IGF1R: variants seen among roughly 807,000 people sequenced by gnomAD.
IGF1R encodes the protein insulin like growth factor 1 receptor.
IGF1R carries 44 observed loss-of-function variants against 144.6 expected under a neutral mutation model. The observed-to-expected ratio is 0.30, with a 90% CI of 0.24 to 0.39. The LOEUF is 0.39. IGF1R is among the 10% of genes least tolerant of loss of function. The probability of loss-of-function intolerance (pLI) is 1.00; values close to 1 mark genes in which losing one functional copy is unlikely to be tolerated. For missense variants in IGF1R, 1,355 were observed against 1,833.7 expected, an observed-to-expected ratio of 0.74 and a Z score of 4.77; for synonymous variants, 795 against 722.8, an observed-to-expected ratio of 1.10 and a Z score of -1.60.
At chr15:98,678,385 T>A (rs1314281419) in intron 1 of IGF1R, among the ~76,000 whole-genome samples, 1 of 152,186 alleles carries the variant, frequency 6.6e-6, no homozygotes, top group Non-Finnish European at 1.5e-5. Flanking sequence ...GTAAAATGAA[T>A]TAATGACTTT....
intron 10 of IGF1R, among the ~76,000 whole-genome samples, chr15:98,920,441 G>T (rs1194667559): frequency 6.6e-6 from 1 of 152,166 alleles, no homozygotes; most frequent in Non-Finnish European, 1.5e-5. Flanking sequence ...GCCGGGAGAG[G>T]GGTTTTGACA....
intron 2 of IGF1R, among the ~76,000 whole-genome samples, chr15:98,749,358 C>G (rs2054948832): frequency 6.6e-6 from 1 of 151,992 alleles, no homozygotes; most frequent in South Asian, 2.1e-4. Context: ...CTTGGTGACC[C>G]AAAGTGATTT....
chr15:98,810,722 G>A (rs1039259967), intron 2 of IGF1R, among the ~76,000 whole-genome samples: 2 of 151,426 alleles, frequency 1.3e-5, no homozygotes, highest in Non-Finnish European at 1.5e-5. Flanking sequence ...CTTATTTTTC[G>A]TATTTTTAGT....
intron 2 of IGF1R, among the ~76,000 whole-genome samples, chr15:98,754,868 C>A (rs1016060213): frequency 6.6e-6 from 1 of 152,154 alleles, no homozygotes; most frequent in Admixed American, 6.5e-5. Context: ...AGGATTCACA[C>A]CTAGGTTGAC....
chr15:98,674,003 C>G (rs946091482), intron 1 of IGF1R, among the ~76,000 whole-genome samples: 11 of 152,192 alleles, frequency 7.2e-5, no homozygotes, highest in Non-Finnish European at 1.3e-4. Flanking sequence ...CGACAAGTTT[C>G]ATTGGCAGAG....
chr15:98,833,108 C>T (rs1285099118), intron 2 of IGF1R, among the ~76,000 whole-genome samples: 4 of 152,176 alleles, frequency 2.6e-5, no homozygotes, highest in African/African-American at 9.7e-5. Flanking sequence ...GAGGTATCCC[C>T]TGGTACCCTC....
At chr15:98,695,671 A>G (rs1450735267) in intron 1 of IGF1R, among the ~76,000 whole-genome samples, 1 of 152,210 alleles carries the variant, frequency 6.6e-6, no homozygotes, top group Non-Finnish European at 1.5e-5. Flanking sequence ...GCAGCTCCAC[A>G]GGAATCTTCA....
At chr15:98,728,659 G>A (rs530522403) in intron 2 of IGF1R, among the ~76,000 whole-genome samples, 15 of 152,366 alleles carry the variant, frequency 9.8e-5, no homozygotes, top group East Asian at 3.9e-4. Flanking sequence ...GCCCAGGGCC[G>A]CCTGGGCGGG....
At chr15:98,691,433 G>A (rs1171296985) in intron 1 of IGF1R, among the ~76,000 whole-genome samples, 3 of 149,738 alleles carry the variant, frequency 2.0e-5, no homozygotes, top group African/African-American at 7.4e-5. Context: ...GTGCAACCTC[G>A]ACTCACTGCA....
chr15:98,874,158 G>A (rs561691783), intron 2 of IGF1R, among the ~76,000 whole-genome samples: 3 of 152,246 alleles, frequency 2.0e-5, no homozygotes, highest in Non-Finnish European at 4.4e-5. Flanking sequence ...TTGGTGGCCC[G>A]GCAGAGCTCT....
intron 3 of IGF1R, among the ~76,000 whole-genome samples, chr15:98,894,657 A>G (rs1419276019): frequency 1.3e-5 from 2 of 152,196 alleles, no homozygotes; most frequent in South Asian, 2.1e-4. Context: ...TGATCCCAGC[A>G]ATTTGGGAGG....
chr15:98,775,188 A>G (rs969114946), intron 2 of IGF1R, among the ~76,000 whole-genome samples: 1 of 152,202 alleles, frequency 6.6e-6, no homozygotes, highest in Non-Finnish European at 1.5e-5. Context: ...GGTCAGGCCA[A>G]GTCCTCCCTG....
Position 98,963,476 on chromosome 15 carries a change from A to G in IGF1R, c.*6034A>G, listed in dbSNP as rs1167857802. The G allele has an allele frequency of 8.6e-6, 2 of 233,312 alleles. No individual in the cohort carries two copies. The highest frequency in any genetic ancestry group is 1.2e-4 in the East Asian group (2 of 16,588). 14.5% of individuals were successfully genotyped at this position (233,312 alleles called of 1,614,324 possible). A position where few individuals can be genotyped will look rare whatever the true frequency, so the allele number is the denominator to read the frequency against. On this transcript the variant is annotated 3_prime_UTR_variant, in exon 21 of 21. Coordinates refer to ENST00000650285, the MANE Select transcript of IGF1R (RefSeq NM_000875.5). ...AGTGTAGCTACTTTAACAGATGGAA[A>G]GAACCTCATTGGCCATGGAAACAGC...
chr15:98,685,453 A>G (rs2053302139), intron 1 of IGF1R, among the ~76,000 whole-genome samples: 1 of 152,116 alleles, frequency 6.6e-6, no homozygotes, highest in Non-Finnish European at 1.5e-5. Flanking sequence ...TGGGGAGGTT[A>G]ATAATAATCT....
intron 2 of IGF1R, among the ~76,000 whole-genome samples, chr15:98,790,997 C>T (rs1404484997): frequency 6.6e-6 from 1 of 152,152 alleles, no homozygotes; most frequent in Non-Finnish European, 1.5e-5. Context: ...TGTAGTTGTT[C>T]ACAAAGTAAA....
At chr15:98,689,905 A>G (rs569845507) in intron 1 of IGF1R, among the ~76,000 whole-genome samples, 2 of 152,284 alleles carry the variant, frequency 1.3e-5, no homozygotes, top group Admixed American at 6.5e-5. Context: ...TGGGCAAAGG[A>G]GAGGGATCCT....
At chr15:98,880,785 G>A (rs1298808140) in intron 2 of IGF1R, 1 of 152,172 alleles carries the variant, frequency 6.6e-6, no homozygotes, top group Non-Finnish European at 1.5e-5. Flanking sequence ...TATCAGCAAG[G>A]GTCACTGCTC....
At chr15:98,726,504 G>A (rs1351513552) in intron 2 of IGF1R, among the ~76,000 whole-genome samples, 2 of 152,054 alleles carry the variant, frequency 1.3e-5, no homozygotes, top group Non-Finnish European at 2.9e-5. Context: ...TATTAGCATG[G>A]CGCCCTCCCT....
chr15:98,662,136 C>T (rs566239034), intron 1 of IGF1R, among the ~76,000 whole-genome samples: 5 of 151,794 alleles, frequency 3.3e-5, no homozygotes, highest in African/African-American at 7.3e-5. Flanking sequence ...TGTGCCACCA[C>T]GCCTGGCTAA....
Sources: gnomAD v4.1 joint callset for allele counts (sites outside exome capture counted in the v4.1 genomes callset) on GRCh38, gnomAD v4.1.1 for gene constraint, MANE v1.5 for transcripts, NCBI Gene and HGNC (gene_info 2026-07-23, HGNC 2026-07-21) for gene names.